The following OSBPL10 variants were observed in gnomAD, a reference collection of about 807,000 sequenced individuals.
OSBPL10 encodes the protein oxysterol-binding protein-related protein 10.
Under a neutral mutation model 81.7 loss-of-function variants are expected in OSBPL10, and 49 were observed. The ratio of observed to expected loss-of-function variants is 0.60; its 90% CI spans 0.48 to 0.76. OSBPL10 has a LOEUF of 0.76. OSBPL10 is among the 30% of genes least tolerant of loss of function. The probability of loss-of-function intolerance (pLI) is 0.00; values close to 1 mark genes in which losing one functional copy is unlikely to be tolerated. For synonymous variants in OSBPL10, 419 were observed against 383.6 expected (o/e 1.09, Z -1.08); for missense variants, 923 against 987.8 (o/e 0.93, Z 0.88).
chr3:31,830,119 G>C lies in OSBPL10; in HGVS notation c.650C>G (p.Thr217Arg). The C allele has an allele frequency of 1.2e-6, 2 of 1,614,144 alleles. No individual in the cohort carries two copies. Among genetic ancestry groups the C allele is most frequent in the South Asian group, 2.2e-5 (2 of 91,080 alleles). ...TGCAGGCGACTTGTGATGCGTGATT[G>C]TGACAACACCGGGGGCCCCCACACT... is the stretch of plus-strand genomic sequence containing the variant. Reference protein sequence around the residue: ...HLSVGAPGVVTITHHKSPAAA... With the variant: ...HLSVGAPGVVRITHHKSPAAA... The change falls in exon 4 of 12, where the codon ACA becomes AGA. Residue 217 changes from threonine (T) to arginine (R), a missense_variant. Thr to Arg is a moderately conservative substitution (Grantham distance 71, BLOSUM62 -1). Around this residue, in one of 3 missense-constraint regions of OSBPL10, gnomAD observed 514 missense variants for 508.0 expected, o/e 1.01. Coordinates refer to ENST00000396556, the MANE Select transcript of OSBPL10 (RefSeq NM_017784.5).
chr3:31,966,820 T>G (rs1340931344), intron 1 of OSBPL10, among the ~76,000 whole-genome samples: 1 of 152,134 alleles, frequency 6.6e-6, no homozygotes, highest in Non-Finnish European at 1.5e-5. Flanking sequence ...ACACGATATC[T>G]GGATGGGAAA....
chr3:31,838,930 G>A (rs1266366897), intron 3 of OSBPL10, among the ~76,000 whole-genome samples: 3 of 152,140 alleles, frequency 2.0e-5, no homozygotes, highest in African/African-American at 4.8e-5. Flanking sequence ...ACTACACCCC[G>A]CATAGCATTT....
intron 1 of OSBPL10, among the ~76,000 whole-genome samples, chr3:31,935,841 T>C (rs1463758626): frequency 6.6e-6 from 1 of 152,120 alleles, no homozygotes; most frequent in Admixed American, 6.5e-5. Context: ...GGTTTTCATA[T>C]GTAGAAAGGG....
At chr3:31,933,915 T>C (rs371318614) in intron 1 of OSBPL10, among the ~76,000 whole-genome samples, 12 of 151,994 alleles carry the variant, frequency 7.9e-5, no homozygotes, top group African/African-American at 2.9e-4. Flanking sequence ...CAGAAAAAAG[T>C]GTTAAGTGCT....
intron 1 of OSBPL10, among the ~76,000 whole-genome samples, chr3:31,939,248 G>A (rs765493711): frequency 2.7e-5 from 4 of 148,410 alleles, no homozygotes; most frequent in Non-Finnish European, 5.9e-5. Flanking sequence ...AGGTTCAAAC[G>A]ATTCTCCTGC....
chr3:31,965,500 TATAAAATAGATAA>T lies in OSBPL10; in HGVS notation c.281+15386_281+15398del, dbSNP rs1698315051. Reference sequence around the variant, plus strand: ...TATATATTATCTATTTTATATAATATATAAAATAGATAATATATAAACTATTATATTATATAAA... The same window carrying T: ...TATATATTATCTATTTTATATAATATTATATAAACTATTATATTATATAAA... On this transcript the variant is annotated intron_variant, in intron 1 of 11. Transcript: ENST00000396556. 4.1e-5 allele frequency among the ~76,000 whole-genome samples: 4 copies of T among 97,166 alleles called. 1 individual carries two copies. The highest frequency in any genetic ancestry group is 2.6e-4 in the East Asian group (1 of 3,916). 63.7% of individuals were successfully genotyped at this position (97,166 alleles called of 152,430 possible). A position where few individuals can be genotyped will look rare whatever the true frequency, so the allele number is the denominator to read the frequency against.
At chr3:31,741,330 T>C (rs890668708) in intron 5 of OSBPL10, among the ~76,000 whole-genome samples, 6 of 152,260 alleles carry the variant, frequency 3.9e-5, no homozygotes, top group Non-Finnish European at 7.3e-5. Context: ...AGTGGCACAA[T>C]CTCGGCTCAC....
chr3:31,677,436 C>G (rs1015057254), intron 8 of OSBPL10, among the ~76,000 whole-genome samples: 4 of 152,210 alleles, frequency 2.6e-5, no homozygotes, highest in Admixed American at 2.6e-4. Flanking sequence ...AGGAAAACAT[C>G]AGGTGAGTGG....
At chr3:32,026,807 G>C (rs530141156) in intron 2 of OSBPL10, among the ~76,000 whole-genome samples, 45 of 152,180 alleles carry the variant, frequency 3.0e-4, no homozygotes, top group Admixed American at 7.2e-4. Flanking sequence ...AAACGGGCAT[G>C]AACTGCAGTT....
intron 4 of OSBPL10, among the ~76,000 whole-genome samples, chr3:31,788,933 A>G (rs1158114446): frequency 6.6e-6 from 1 of 152,136 alleles, no homozygotes; most frequent in East Asian, 1.9e-4. Context: ...TGAACATTTT[A>G]GTATACTTCC....
chr3:31,870,166 C>T (rs1011258626), intron 3 of OSBPL10, among the ~76,000 whole-genome samples: 6 of 152,232 alleles, frequency 3.9e-5, no homozygotes, highest in African/African-American at 1.4e-4. Context: ...CGCTTGCGGG[C>T]CAGCTGGAGT....
intron 1 of OSBPL10, among the ~76,000 whole-genome samples, chr3:31,913,073 T>C (rs1696636692): frequency 6.6e-6 from 1 of 152,168 alleles, no homozygotes; most frequent in Non-Finnish European, 1.5e-5. Context: ...ACAATCTAAC[T>C]GGAATTTCTA....
intron 1 of OSBPL10, among the ~76,000 whole-genome samples, chr3:31,925,386 A>G (rs532975338): frequency 6.6e-6 from 1 of 152,190 alleles, no homozygotes; most frequent in African/African-American, 2.4e-5. Context: ...CTCTGACAAT[A>G]TAAGACAACT....
intron 3 of OSBPL10, among the ~76,000 whole-genome samples, chr3:31,869,044 G>A (rs1182117906): frequency 6.6e-6 from 1 of 152,202 alleles, no homozygotes; most frequent in Non-Finnish European, 1.5e-5. Context: ...AAGGTGGTCA[G>A]GAGTCTGAAC....
rs1015592958 is a variant in OSBPL10, at chr3:32,035,497, G to A, written n.298+10994C>T. ...GAATGGCTTGAACTTGGGAGGCAGA[G>A]GATGCAGGGAGCTGATACCATGCCA... On this transcript the variant is annotated intron_variant and non_coding_transcript_variant, in intron 2 of 3. Coordinates refer to the OSBPL10 transcript ENST00000479173. 3.4e-5 allele frequency among the ~76,000 whole-genome samples: 5 copies of A among 149,000 alleles called. No individual in the cohort carries two copies. The East Asian group carries it at 9.9e-4, about 30-fold the overall frequency.
Position 31,847,729 on chromosome 3 carries a change from T to C in OSBPL10, c.538-17498A>G, listed in dbSNP as rs534418896. On this transcript the variant is annotated intron_variant, in intron 3 of 11. Coordinates refer to ENST00000396556, the MANE Select transcript of OSBPL10 (RefSeq NM_017784.5). Reference sequence around the variant, plus strand: ...AGTGTCTCAGTGAGGGAATTTAATATGGAAAATTGGTTGCACAGAGGATGG... The same window carrying C: ...AGTGTCTCAGTGAGGGAATTTAATACGGAAAATTGGTTGCACAGAGGATGG... 6.6e-5 allele frequency among the ~76,000 whole-genome samples: 10 copies of C among 151,970 alleles called. No individual in the cohort carries two copies. The East Asian group carries it at 7.8e-4, about 12-fold the overall frequency.
chr3:31,832,208 T>A (rs753504524), intron 3 of OSBPL10, among the ~76,000 whole-genome samples: 7 of 152,194 alleles, frequency 4.6e-5, no homozygotes, highest in Non-Finnish European at 7.3e-5. Context: ...AAATTATTTG[T>A]TTAAAACAAA....
intron 3 of OSBPL10, among the ~76,000 whole-genome samples, chr3:31,872,231 G>GC (rs1197485008): frequency 1.3e-5 from 2 of 152,088 alleles, no homozygotes; most frequent in African/African-American, 4.8e-5. Flanking sequence ...AACTTTCCTA[G>GC]AAGGGACCCC....
chr3:32,040,642 C>G (rs1249129539), intron 2 of OSBPL10, among the ~76,000 whole-genome samples: 2 of 151,390 alleles, frequency 1.3e-5, no homozygotes, highest in African/African-American at 2.4e-5. Context: ...TTGAGACCAG[C>G]CTGGGAAGCA....
Sources: allele counts gnomAD v4.1 joint callset (sites outside exome capture counted in the v4.1 genomes callset), GRCh38; gene constraint gnomAD v4.1.1; regional missense constraint gnomAD v4.1.1; transcripts MANE v1.5; gene names NCBI Gene and HGNC (gene_info 2026-07-23, HGNC 2026-07-21).